Variants in TRDN observed in about 807,000 individuals in gnomAD.
TRDN encodes the protein triadin.
Under a neutral mutation model 149.7 loss-of-function variants are expected in TRDN, and 161 were observed. That is an observed-to-expected ratio of 1.08 (90% CI 0.95 to 1.23). The LOEUF is 1.23. Among genes scored for constraint, TRDN ranks in the 50% most tolerant of loss-of-function variants. TRDN has a pLI of 0.00. For synonymous variants in TRDN, 294 were observed against 250.5 expected (o/e 1.17, Z -1.64); for missense variants, 896 against 823.5 (o/e 1.09, Z -1.08).
chr6:123,331,260 C>T (rs1779649459), intron 23 of TRDN, among the ~76,000 whole-genome samples: 1 of 152,028 alleles, frequency 6.6e-6, no homozygotes, highest in South Asian at 2.1e-4. Flanking sequence ...ATCCACCTTA[C>T]TTCAAGCCTA....
intron 12 of TRDN, among the ~76,000 whole-genome samples, chr6:123,397,487 A>G (rs573199330): frequency 1.6e-4 from 25 of 152,304 alleles, no homozygotes; most frequent in African/African-American, 5.8e-4. Context: ...CAGACCCAAC[A>G]AACTGCTGGA....
At chr6:123,504,939 C>G (rs1359022328) in intron 7 of TRDN, among the ~76,000 whole-genome samples, 1 of 152,024 alleles carries the variant, frequency 6.6e-6, no homozygotes, top group African/African-American at 2.4e-5. Context: ...CCTTTATTGT[C>G]ACTCATGTTA....
rs1216969453 is a variant in TRDN at position 123,614,288 on chromosome 6, T to TAAAAAAAA, written c.22+22458_22+22465dup. On this transcript the variant is annotated intron_variant, in intron 1 of 40. Coordinates refer to ENST00000334268, the MANE Select transcript of TRDN (RefSeq NM_006073.4). ...ATGTTACCGTGGGAAAGTGCTTCAT[T>TAAAAAAAA]AAAAAAAAAAACAAAAAAAAAAAAA... Among the ~76,000 whole-genome samples the TAAAAAAAA allele has an allele frequency of 1.1e-3, 63 of 59,282 alleles. 1 individual carries two copies. The highest frequency in any genetic ancestry group is 2.6e-3 in the Admixed American group (13 of 5,060). 38.9% of individuals were successfully genotyped at this position (59,282 alleles called of 152,430 possible).
At chr6:123,314,225 G>A (rs1018831533) in intron 24 of TRDN, among the ~76,000 whole-genome samples, 11 of 151,898 alleles carry the variant, frequency 7.2e-5, no homozygotes, top group African/African-American at 2.4e-4. Context: ...AGACATACAT[G>A]CAGCCAATAA....
At chr6:123,487,661 T>C (rs919963911) in intron 9 of TRDN, among the ~76,000 whole-genome samples, 1 of 152,142 alleles carries the variant, frequency 6.6e-6, no homozygotes, top group Non-Finnish European at 1.5e-5. Context: ...CATCAAAACA[T>C]ATACAACGTA....
intron 4 of TRDN, among the ~76,000 whole-genome samples, chr6:123,536,615 C>T (rs540987842): frequency 3.3e-4 from 50 of 151,622 alleles, no homozygotes; most frequent in African/African-American, 1.1e-3. Flanking sequence ...ATTTGGAAAG[C>T]TGAGTTGGGC....
chr6:123,375,527 T>G (rs1781471677), intron 19 of TRDN, 78 bp downstream of exon 19: 1 of 1,251,144 alleles, frequency 8.0e-7, no homozygotes, highest in Non-Finnish European at 1.1e-6. Flanking sequence ...AAATTAGCAT[T>G]AGCATAGTCT....
chr6:123,308,217 T>C (rs1329912738), intron 24 of TRDN, among the ~76,000 whole-genome samples: 1 of 152,082 alleles, frequency 6.6e-6, no homozygotes, highest in Non-Finnish European at 1.5e-5. Context: ...CTGCATAGTA[T>C]TCCATCATGT....
chr6:123,343,826 A>G (rs966775735), intron 21 of TRDN, among the ~76,000 whole-genome samples: 1 of 152,058 alleles, frequency 6.6e-6, no homozygotes, highest in African/African-American at 2.4e-5. Flanking sequence ...GTTCCTGTAC[A>G]TTCTTTCTGT....
At chr6:123,474,776 C>G (rs1363696996) in intron 9 of TRDN, among the ~76,000 whole-genome samples, 1 of 151,950 alleles carries the variant, frequency 6.6e-6, no homozygotes, top group Non-Finnish European at 1.5e-5. Context: ...GAATCTCACT[C>G]AAAACCGCTC....
At chr6:123,519,663 C>T (rs181700065) in intron 5 of TRDN, among the ~76,000 whole-genome samples, 57 of 151,410 alleles carry the variant, frequency 3.8e-4, no homozygotes, top group African/African-American at 1.3e-3. Context: ...CAAATCAATT[C>T]AACCAAACTC....
chr6:123,513,298 A>G lies in TRDN; in HGVS notation c.551-936T>C, dbSNP rs143601921. Among the ~76,000 whole-genome samples, 497 of 152,350 alleles carry G rather than the reference A, an allele frequency of 3.3e-3. 3 individuals are homozygous for G. Among genetic ancestry groups the G allele is most frequent in the African/African-American group, 0.011 (476 of 41,592 alleles). ...GGTCACAGGACTACATTATAATAAC[A>G]TATCTCCTAAAAAGCAAACATCCTT... On this transcript the variant is annotated intron_variant, in intron 6 of 40. Coordinates refer to ENST00000334268, the MANE Select transcript of TRDN (RefSeq NM_006073.4).
At chr6:123,551,929 A>G (rs192844580) in intron 2 of TRDN, among the ~76,000 whole-genome samples, 1 of 152,226 alleles carries the variant, frequency 6.6e-6, no homozygotes, top group Admixed American at 6.5e-5. Flanking sequence ...CAAAGACTTT[A>G]CTGCATGGGA....
At chr6:123,239,150 T>C (rs1374596162) in intron 38 of TRDN, among the ~76,000 whole-genome samples, 1 of 152,080 alleles carries the variant, frequency 6.6e-6, no homozygotes, top group African/African-American at 2.4e-5. Flanking sequence ...TATACTCTTT[T>C]TAAAAAGAGC....
intron 10 of TRDN, among the ~76,000 whole-genome samples, chr6:123,455,633 C>T (rs1423535307): frequency 2.0e-5 from 3 of 152,114 alleles, no homozygotes; most frequent in Non-Finnish European, 4.4e-5. Flanking sequence ...CCATAAATTA[C>T]AAATGCTTTT....
chr6:123,375,945 C>A (rs959638582), intron 18 of TRDN, among the ~76,000 whole-genome samples: 1 of 151,994 alleles, frequency 6.6e-6, no homozygotes, highest in African/African-American at 2.4e-5. Flanking sequence ...TATATACAGG[C>A]AAATGCATTT....
At chr6:123,570,887 A>T in intron 2 of TRDN, 36 bp downstream of exon 2, 3 of 1,586,784 alleles carry the variant, frequency 1.9e-6, no homozygotes, top group Non-Finnish European at 1.7e-6. Flanking sequence ...CATTTGAATT[A>T]ATTTTAATTT....
At chr6:123,285,615 A>G (rs952790067) in intron 24 of TRDN, among the ~76,000 whole-genome samples, 4 of 152,246 alleles carry the variant, frequency 2.6e-5, no homozygotes, top group Non-Finnish European at 5.9e-5. Context: ...ACCCTTCTAG[A>G]CATTGGCTTA....
chr6:123,353,623 T>G (rs1455426785), intron 20 of TRDN, among the ~76,000 whole-genome samples: 1 of 151,504 alleles, frequency 6.6e-6, no homozygotes, highest in Non-Finnish European at 1.5e-5. Context: ...CTGATCTTTG[T>G]AAAAAGACAG....
Sources: allele counts gnomAD v4.1 joint callset (sites outside exome capture counted in the v4.1 genomes callset), GRCh38; gene constraint gnomAD v4.1.1; transcripts MANE v1.5; gene names NCBI Gene and HGNC (gene_info 2026-07-23, HGNC 2026-07-21).